Variants in FSTL4 observed in about 807,000 individuals in gnomAD.
The protein encoded by FSTL4 is follistatin-related protein 4.
Under a neutral mutation model 78.2 loss-of-function variants are expected in FSTL4, and 28 were observed. That is an observed-to-expected ratio of 0.36 (90% confidence interval 0.27 to 0.49). The LOEUF (loss-of-function observed/expected upper bound fraction) is 0.49. Ranked by LOEUF, FSTL4 falls within the 20% of genes least tolerant of loss-of-function variation. The probability of loss-of-function intolerance (pLI) is 0.98; values close to 1 mark genes in which losing one functional copy is unlikely to be tolerated. For synonymous variants in FSTL4, 422 were observed against 440.5 expected (o/e 0.96, Z 0.53); for missense variants, 922 against 1,084.9 (o/e 0.85, Z 2.11).
At chr5:133,701,405 A>AG in the FSTL4 span, among the ~76,000 whole-genome samples, 3 of 149,688 alleles carry the variant, frequency 2.0e-5, no homozygotes, top group South Asian at 6.3e-4. Flanking sequence ...TCAGTCTCAA[A>AG]AAAAAAAAAA....
the FSTL4 span, among the ~76,000 whole-genome samples, chr5:133,759,084 G>A: frequency 0.2 from 30,057 of 152,184 alleles, 3,254 homozygotes; most frequent in East Asian, 0.41. Flanking sequence ...GGGAATAAGG[G>A]TCCACCCTTT....
At chr5:133,784,123 C>T in the FSTL4 span, among the ~76,000 whole-genome samples, 1 of 152,114 alleles carries the variant, frequency 6.6e-6, no homozygotes, top group African/African-American at 2.4e-5. Context: ...TAGCCCAGTG[C>T]TCCCTAACAT....
At chr5:133,740,483 C>T in the FSTL4 span, among the ~76,000 whole-genome samples, 22 of 152,276 alleles carry the variant, frequency 1.4e-4, no homozygotes, top group East Asian at 5.8e-4. Context: ...CCGCAGGCCA[C>T]GTGTTGTTGA....
chr5:133,394,589 G>C (rs899802388), intron 4 of FSTL4, among the ~76,000 whole-genome samples: 5 of 152,194 alleles, frequency 3.3e-5, no homozygotes, highest in African/African-American at 4.8e-5. Flanking sequence ...CTGCCTCCCC[G>C]CAGGGCAGGG....
At chr5:133,509,377 C>A (rs1580754747) in intron 3 of FSTL4, among the ~76,000 whole-genome samples, 2 of 152,128 alleles carry the variant, frequency 1.3e-5, no homozygotes, top group South Asian at 4.1e-4. Context: ...CATGGCCTGT[C>A]CAGATTTTTG....
At chr5:133,818,362 G>T in the FSTL4 span, among the ~76,000 whole-genome samples, 1 of 152,194 alleles carries the variant, frequency 6.6e-6, no homozygotes, top group Non-Finnish European at 1.5e-5. Flanking sequence ...CTGAAGGCCT[G>T]GGTCTTGCTG....
chr5:133,709,464 A>AT, the FSTL4 span, among the ~76,000 whole-genome samples: 2 of 152,176 alleles, frequency 1.3e-5, no homozygotes, highest in South Asian at 2.1e-4. Flanking sequence ...TCTTCAGTCT[A>AT]TTTTTCCTGC....
At chr5:133,370,783 AG>A (rs1755279426) in intron 4 of FSTL4, among the ~76,000 whole-genome samples, 1 of 152,030 alleles carries the variant, frequency 6.6e-6, no homozygotes, top group Non-Finnish European at 1.5e-5. Flanking sequence ...CTCAGAGCAG[AG>A]GGGGTGGTTT....
chr5:133,571,252 T>C (rs952600768), intron 2 of FSTL4, among the ~76,000 whole-genome samples: 3 of 152,246 alleles, frequency 2.0e-5, no homozygotes, highest in African/African-American at 7.2e-5. Flanking sequence ...AAATTATTCC[T>C]ATTCTTGAGT....
chr5:133,549,904 A>C (rs570284609), intron 3 of FSTL4, among the ~76,000 whole-genome samples: 1 of 152,228 alleles, frequency 6.6e-6, no homozygotes, highest in Non-Finnish European at 1.5e-5. Flanking sequence ...GGGCATGTTT[A>C]TTTTTATTTC....
the FSTL4 span, among the ~76,000 whole-genome samples, chr5:133,697,977 C>T: frequency 6.6e-6 from 1 of 152,186 alleles, no homozygotes; most frequent in East Asian, 1.9e-4. Flanking sequence ...AATAGAACAG[C>T]TTTATTTCTA....
At chr5:133,674,869 C>A in the FSTL4 span, among the ~76,000 whole-genome samples, 1 of 152,128 alleles carries the variant, frequency 6.6e-6, no homozygotes, top group African/African-American at 2.4e-5. Flanking sequence ...ATGATAATCA[C>A]ATATTCATTA....
chr5:133,601,455 A>C (rs1435129384), intron 2 of FSTL4, among the ~76,000 whole-genome samples: 2 of 152,156 alleles, frequency 1.3e-5, no homozygotes, highest in African/African-American at 2.4e-5. Context: ...TCTAAAGAAA[A>C]AGTAAGAACC....
At chr5:133,665,387 G>A in the FSTL4 span, among the ~76,000 whole-genome samples, 3,452 of 152,242 alleles carry the variant, frequency 0.023, 141 homozygotes, top group African/African-American at 0.078. Flanking sequence ...ATAACTCTAC[G>A]GAGTTTTAAA....
chr5:133,241,085 C>T (rs892217398), intron 7 of FSTL4, among the ~76,000 whole-genome samples: 4 of 152,226 alleles, frequency 2.6e-5, no homozygotes, highest in African/African-American at 9.6e-5. Context: ...GGGAAATTGA[C>T]ACTGTGACAG....
Position 133,611,504 on chromosome 5 carries a change from C to T in FSTL4, c.-11+821G>A, listed in dbSNP as rs888548178. Among the ~76,000 whole-genome samples, 1 of 152,206 alleles carries T rather than the reference C, an allele frequency of 6.6e-6. No individual in the cohort carries two copies. Among genetic ancestry groups the T allele is most frequent in the Admixed American group, 6.5e-5 (1 of 15,290 alleles). ...GTCCCTCCTGAAACTCAGAACTCGTCTTTGTTTTGCGGGCGCAAAGAGGGC... is the reference window on the plus strand; with the variant it reads ...GTCCCTCCTGAAACTCAGAACTCGTTTTTGTTTTGCGGGCGCAAAGAGGGC... On this transcript the variant is annotated intron_variant, in intron 1 of 15. Coordinates refer to ENST00000265342, the MANE Select transcript of FSTL4 (RefSeq NM_015082.2). This position sits in a 1 kb window ranked among gnomAD's most constrained non-coding sequence, Gnocchi z 4.9.
chr5:133,439,202 C>T (rs1757100174), intron 3 of FSTL4, among the ~76,000 whole-genome samples: 1 of 152,172 alleles, frequency 6.6e-6, no homozygotes, highest in Non-Finnish European at 1.5e-5. Flanking sequence ...ACAGGGTGGA[C>T]AACGGGAATA....
intron 4 of FSTL4, among the ~76,000 whole-genome samples, chr5:133,386,917 G>A (rs1240566971): frequency 6.6e-6 from 1 of 152,240 alleles, no homozygotes; most frequent in Admixed American, 6.5e-5. Flanking sequence ...CAAGATGGGT[G>A]TAAATGTGAT....
the FSTL4 span, among the ~76,000 whole-genome samples, chr5:133,736,665 G>T: frequency 6.6e-6 from 1 of 152,182 alleles, no homozygotes; most frequent in Non-Finnish European, 1.5e-5. Context: ...AGAGAGAAGT[G>T]AGGGAGCAGA....
Sources: allele counts gnomAD v4.1 joint callset (sites outside exome capture counted in the v4.1 genomes callset), GRCh38; gene constraint gnomAD v4.1.1; non-coding constraint Gnocchi (gnomAD v3.1); transcripts MANE v1.5; gene names NCBI Gene and HGNC (gene_info 2026-07-23, HGNC 2026-07-21).